The following STPG2 variants were observed in gnomAD, a reference collection of about 807,000 sequenced individuals.
STPG2 encodes sperm tail PG-rich repeat containing 2.
STPG2 carries 56 observed loss-of-function variants against 54.2 expected under a neutral mutation model. The observed-to-expected ratio is 1.03, with a 90% CI of 0.83 to 1.29. The LOEUF (loss-of-function observed/expected upper bound fraction) is 1.29. STPG2 is among the 50% of genes most tolerant of loss of function. STPG2 has a pLI of 0.00. For missense variants in STPG2, 596 were observed against 544.9 expected, an observed-to-expected ratio of 1.09 and a Z score of -0.93; for synonymous variants, 200 against 181.8, an observed-to-expected ratio of 1.10 and a Z score of -0.81.
intron 4 of STPG2, among the ~76,000 whole-genome samples, chr4:97,527,826 G>C (rs548082379): frequency 6.6e-6 from 1 of 151,868 alleles, no homozygotes; most frequent in Non-Finnish European, 1.5e-5. Context: ...CATATCCTTC[G>C]CCCACTTTTT....
intron 3 of STPG2, among the ~76,000 whole-genome samples, chr4:98,118,882 G>T (rs911575829): frequency 6.6e-6 from 1 of 151,958 alleles, no homozygotes; most frequent in African/African-American, 2.4e-5. Flanking sequence ...AAACAATAAA[G>T]AAATAAATTA....
chr4:97,484,263 T>C (rs1479441850), intron 4 of STPG2, among the ~76,000 whole-genome samples: 2 of 151,380 alleles, frequency 1.3e-5, no homozygotes, highest in African/African-American at 4.8e-5. Flanking sequence ...ATACAAAATA[T>C]AAATGAAGCA....
intron 4 of STPG2, among the ~76,000 whole-genome samples, chr4:97,495,322 T>C (rs143049610): frequency 6.6e-6 from 1 of 151,510 alleles, no homozygotes; most frequent in Non-Finnish European, 1.5e-5. Context: ...AGCTAAAGTA[T>C]AGCATAAAAC....
rs751089640 is a variant in STPG2 at position 97,452,114 on chromosome 4, GCCC to G, written c.462+260582_462+260584del. On this transcript the variant is annotated intron_variant, in intron 4 of 4. Transcript: ENST00000522676. Reference sequence around the variant, plus strand: ...GCTCCATAGAGCAGGCAGGAGCCCCGCCCCCACCCCCCCCCCCCCCCGCCCCCA... The same window carrying G: ...GCTCCATAGAGCAGGCAGGAGCCCCGCCACCCCCCCCCCCCCCCGCCCCCA... Among the ~76,000 whole-genome samples, 53 of 17,014 alleles carry G rather than the reference GCCC, an allele frequency of 3.1e-3. 1 individual carries two copies. Among genetic ancestry groups the G allele is most frequent in the Non-Finnish European group, 4.4e-3 (44 of 9,916 alleles). 11.2% of individuals were successfully genotyped at this position (17,014 alleles called of 152,430 possible). A position where few individuals can be genotyped will look rare whatever the true frequency, so the allele number is the denominator to read the frequency against.
At chr4:97,454,720 T>C (rs1170818250) in intron 4 of STPG2, among the ~76,000 whole-genome samples, 1 of 152,074 alleles carries the variant, frequency 6.6e-6, no homozygotes, top group African/African-American at 2.4e-5. Flanking sequence ...TACAAATGAA[T>C]ATCATGCCTA....
intron 4 of STPG2, among the ~76,000 whole-genome samples, chr4:97,533,168 A>G (rs907461043): frequency 6.6e-6 from 1 of 152,190 alleles, no homozygotes; most frequent in African/African-American, 2.4e-5. Flanking sequence ...GGCATAAGCC[A>G]CTGCCCCCGG....
chr4:97,473,538 A>G (rs1414115381), intron 4 of STPG2, among the ~76,000 whole-genome samples: 4 of 152,178 alleles, frequency 2.6e-5, no homozygotes, highest in Non-Finnish European at 5.9e-5. Flanking sequence ...ATAAGATGTT[A>G]TCAATGACAA....
intron 8 of STPG2, among the ~76,000 whole-genome samples, chr4:97,907,136 A>G (rs1731463310): frequency 6.6e-6 from 1 of 152,046 alleles, no homozygotes; most frequent in African/African-American, 2.4e-5. Context: ...TCAGCCCAAA[A>G]TCTCCTTAAG....
intron 6 of STPG2, among the ~76,000 whole-genome samples, chr4:97,979,940 G>A (rs1279623934): frequency 1.3e-5 from 2 of 151,870 alleles, no homozygotes; most frequent in Non-Finnish European, 2.9e-5. Context: ...GGCCAGGATG[G>A]TCTCGATCCC....
intron 5 of STPG2, among the ~76,000 whole-genome samples, chr4:98,021,645 G>A (rs1736200788): frequency 6.6e-6 from 1 of 151,984 alleles, no homozygotes; most frequent in Admixed American, 6.6e-5. Context: ...TTATTGTGTG[G>A]GAGTCTAAGT....
chr4:97,745,230 C>G (rs1235805350), intron 9 of STPG2, among the ~76,000 whole-genome samples: 1 of 140,872 alleles, frequency 7.1e-6, no homozygotes, highest in East Asian at 2.0e-4. Context: ...CTTTCAGAAA[C>G]CATGGCATAA....
intron 4 of STPG2, among the ~76,000 whole-genome samples, chr4:97,552,156 T>C (rs2148868229): frequency 6.6e-6 from 1 of 152,262 alleles, no homozygotes; most frequent in East Asian, 1.9e-4. Flanking sequence ...CAGATTTGTA[T>C]TTCATTCTAT....
intron 7 of STPG2, among the ~76,000 whole-genome samples, chr4:97,971,387 G>C (rs1483468190): frequency 6.6e-6 from 1 of 152,092 alleles, no homozygotes; most frequent in African/African-American, 2.4e-5. Flanking sequence ...CAATAGCAAA[G>C]ACTTGGAACC....
intron 9 of STPG2, among the ~76,000 whole-genome samples, chr4:97,783,477 G>A (rs1179214823): frequency 2.0e-5 from 3 of 152,180 alleles, no homozygotes; most frequent in Non-Finnish European, 4.4e-5. Flanking sequence ...ACTGTTGGTG[G>A]CACTGTAAAC....
chr4:97,677,217 T>A (rs1722880211), intron 10 of STPG2, among the ~76,000 whole-genome samples: 1 of 152,190 alleles, frequency 6.6e-6, no homozygotes, highest in Non-Finnish European at 1.5e-5. Context: ...ACCTATTCAG[T>A]AAAAACACTT....
intron 10 of STPG2, among the ~76,000 whole-genome samples, chr4:97,646,088 A>C (rs1721904563): frequency 6.6e-6 from 1 of 152,150 alleles, no homozygotes; most frequent in Non-Finnish European, 1.5e-5. Context: ...TCCCATGTGC[A>C]ATCCATCACA....
chr4:97,919,343 A>C (rs1194407278), intron 8 of STPG2, among the ~76,000 whole-genome samples: 5 of 151,434 alleles, frequency 3.3e-5, no homozygotes, highest in African/African-American at 1.2e-4. Context: ...AAATATAAAG[A>C]AATAGAAATT....
chr4:97,725,927 A>G (rs1002039692), intron 9 of STPG2, among the ~76,000 whole-genome samples: 1 of 151,428 alleles, frequency 6.6e-6, no homozygotes, highest in African/African-American at 2.4e-5. Flanking sequence ...CCCACAAAGG[A>G]AAAAAAAATC....
At chr4:97,942,832 T>G (rs1733042182) in intron 8 of STPG2, among the ~76,000 whole-genome samples, 1 of 152,176 alleles carries the variant, frequency 6.6e-6, no homozygotes, top group South Asian at 2.1e-4. Context: ...TTTTAAACCT[T>G]GTTTAATAAT....
Sources: allele counts gnomAD v4.1 joint callset (sites outside exome capture counted in the v4.1 genomes callset), GRCh38; gene constraint gnomAD v4.1.1; transcripts MANE v1.5; gene names NCBI Gene and HGNC (gene_info 2026-07-23, HGNC 2026-07-21).